Variants in IAPP observed in about 807,000 individuals in gnomAD.
The protein encoded by IAPP is islet amyloid polypeptide.
IAPP carries 4 observed loss-of-function variants against 2.9 expected under a neutral mutation model. That is an observed-to-expected ratio of 1.39 (90% CI 0.69 to 3.19). The LOEUF (loss-of-function observed/expected upper bound fraction) is 3.19, where lower values mean the gene tolerates loss of function less well. Among genes scored for constraint, IAPP ranks in the 30% most tolerant of loss-of-function variants. IAPP has a pLI of 0.01. For missense variants in IAPP, 114 were observed against 105.3 expected, an observed-to-expected ratio of 1.08 and a Z score of -0.36; for synonymous variants, 40 against 42.1, an observed-to-expected ratio of 0.95 and a Z score of 0.19.
chr12:21,355,393 A>G (rs190523302), intron 1 of IAPP, among the ~76,000 whole-genome samples: 1 of 152,212 alleles, frequency 6.6e-6, no homozygotes, highest in Non-Finnish European at 1.5e-5. Flanking sequence ...AAGGAAAAGA[A>G]ATCTCGAAGT....
At chr12:21,366,481 G>A (rs571347708) in intron 1 of IAPP, among the ~76,000 whole-genome samples, 26 of 151,922 alleles carry the variant, frequency 1.7e-4, no homozygotes, top group Non-Finnish European at 1.6e-4. Context: ...CCAACATGGC[G>A]CACGTATTCC....
chr12:21,365,852 C>T lies in IAPP; in HGVS notation c.-15-7485C>T, dbSNP rs374444080. Among the ~76,000 whole-genome samples the T allele has an allele frequency of 4.6e-5, 7 of 152,290 alleles. No individual in the cohort carries two copies. The East Asian group carries it at 7.7e-4, about 17-fold the overall frequency. ...TGCACATCAAAACCACAATGAGATA[C>T]CATCTCATGCCAGTTAGACTGGCAA... On this transcript the variant is annotated intron_variant, in intron 1 of 2. Coordinates refer to the IAPP transcript ENST00000539393.
At chr12:21,361,908 T>C (rs1938926681) in intron 1 of IAPP, among the ~76,000 whole-genome samples, 1 of 152,076 alleles carries the variant, frequency 6.6e-6, no homozygotes, top group Non-Finnish European at 1.5e-5. Flanking sequence ...AAAGACCAAA[T>C]CTACGTCTGA....
intron 1 of IAPP, among the ~76,000 whole-genome samples, chr12:21,357,610 A>G (rs996699939): frequency 1.3e-5 from 2 of 152,194 alleles, no homozygotes; most frequent in Non-Finnish European, 2.9e-5. Flanking sequence ...AGCGTCCAAT[A>G]GATGCTCTAA....
At chr12:21,359,682 G>A (rs1484244492) in intron 1 of IAPP, among the ~76,000 whole-genome samples, 1 of 151,784 alleles carries the variant, frequency 6.6e-6, no homozygotes, top group African/African-American at 2.4e-5. Flanking sequence ...AGGAGGCAGA[G>A]CTTGCAGTGA....
chr12:21,377,745 A>G (rs1335247006), intron 2 of IAPP, among the ~76,000 whole-genome samples: 1 of 152,198 alleles, frequency 6.6e-6, no homozygotes, highest in Non-Finnish European at 1.5e-5. Context: ...TTCCCTTATG[A>G]CATTTCTTGC....
At chr12:21,357,597 T>G (rs903206736) in intron 1 of IAPP, among the ~76,000 whole-genome samples, 7 of 152,234 alleles carry the variant, frequency 4.6e-5, no homozygotes, top group Non-Finnish European at 7.3e-5. Flanking sequence ...TATGTAAGGA[T>G]TTAGCGTCCA....
rs1940445435 is a variant in IAPP, at chr12:21,379,451, G to T, written c.*1025G>T. The T allele has an allele frequency of 1.3e-5, 2 of 152,122 alleles. No individual in the cohort carries two copies. The highest frequency in any genetic ancestry group is 2.9e-5 in the Non-Finnish European group (2 of 68,030). The allele number at this position is 152,122 out of a possible 1,614,324, so 9.4% of individuals were successfully genotyped here. The stretch of plus-strand genomic sequence containing the variant: ...CGAAACAACTTGTGTTCTATTAATC[G>T]TGTCTTCAATTAAAAGACCACAGAC... On this transcript the variant is annotated 3_prime_UTR_variant, in exon 3 of 3. Coordinates refer to ENST00000240652, the MANE Select transcript of IAPP (RefSeq NM_000415.3).
At chr12:21,358,082 A>G (rs1938516694) in intron 1 of IAPP, among the ~76,000 whole-genome samples, 1 of 152,096 alleles carries the variant, frequency 6.6e-6, no homozygotes, top group Non-Finnish European at 1.5e-5. Flanking sequence ...AATCTGGTAA[A>G]AGGAGATATG....
chr12:21,360,543 G>A (rs1938759337), intron 1 of IAPP, among the ~76,000 whole-genome samples: 1 of 152,198 alleles, frequency 6.6e-6, no homozygotes, highest in Non-Finnish European at 1.5e-5. Context: ...TCATCTCACT[G>A]GGGCTTGCCA....
rs745609274 is a variant in IAPP, at chr12:21,378,229, G to A, written c.81-8G>A. ...CTCTAACTTTTCACATTTGTTCCAT[G>A]TTACCAGTCATCAGGTGGAAAAGCG... On this transcript the variant is annotated splice_region_variant and splice_polypyrimidine_tract_variant and intron_variant, in intron 2 of 2. Transcript: ENST00000240652. 3.1e-6 allele frequency: 5 copies of A among 1,613,706 alleles called. No individual in the cohort carries two copies. The highest frequency in any genetic ancestry group is 1.3e-5 in the African/African-American group (1 of 74,904).
intron 2 of IAPP, chr12:21,373,649 T>C: frequency 1.4e-6 from 1 of 701,658 alleles, no homozygotes; most frequent in Non-Finnish European, 2.6e-6. Context: ...CAGACAGGAA[T>C]GGATAATTCC....
In IAPP at chr12:21,379,929, T is replaced by C. The variant is rs986713860; in HGVS notation, c.*1503T>C. ...GCAGGGAAATATATTTATAATAAAT[T>C]CTATGTCATGAATTACATATTGAAA... On this transcript the variant is annotated 3_prime_UTR_variant, in exon 3 of 3. Transcript: ENST00000240652. The C allele has an allele frequency of 6.6e-6, 1 of 152,160 alleles. No individual in the cohort carries two copies. Among genetic ancestry groups the C allele is most frequent in the Non-Finnish European group, 1.5e-5 (1 of 68,024 alleles). 9.4% of individuals were successfully genotyped at this position (152,160 alleles called of 1,614,324 possible). A position where few individuals can be genotyped will look rare whatever the true frequency, so the allele number is the denominator to read the frequency against.
Position 21,366,585 on chromosome 12 carries a change from T to C in IAPP, c.-15-6752T>C, listed in dbSNP as rs142510183. 7.8e-3 allele frequency among the ~76,000 whole-genome samples: 1,190 copies of C among 152,074 alleles called. 16 individuals are homozygous for C. The highest frequency in any genetic ancestry group is 0.024 in the African/African-American group (1,011 of 41,526). On this transcript the variant is annotated intron_variant, in intron 1 of 2. Coordinates refer to the IAPP transcript ENST00000539393. ...AAAAAGAAATATAAACATTAAAAGA[T>C]ATTTTTTAACAAAAGGGATCTGAAG...
rs187611567 is a variant in IAPP at position 21,373,750 on chromosome 12, T to C, written c.80+319T>C. On this transcript the variant is annotated intron_variant, in intron 2 of 2. Coordinates refer to ENST00000240652, the MANE Select transcript of IAPP (RefSeq NM_000415.3). ...AATCAAAAGGTAGTAATTTCTTCTA[T>C]ATTAACCTGATACTGAAACAAACCA... The C allele has an allele frequency of 5.1e-3, 3,540 of 696,168 alleles. 18 individuals carry two copies. Among genetic ancestry groups the C allele is most frequent in the Non-Finnish European group, 6.1e-3 (2,320 of 382,748 alleles). 43.1% of individuals were successfully genotyped at this position (696,168 alleles called of 1,614,324 possible).
chr12:21,363,027 G>T (rs1357335909), intron 1 of IAPP, among the ~76,000 whole-genome samples: 2 of 152,152 alleles, frequency 1.3e-5, no homozygotes, highest in Non-Finnish European at 2.9e-5. Flanking sequence ...ATTAAACTCA[G>T]CTCTGCACCA....
In IAPP at chr12:21,379,190, G is replaced by C. The variant is rs1050490180; in HGVS notation, c.*764G>C. 6.6e-6 allele frequency: 1 copy of C among 152,214 alleles called. No homozygotes were observed. Among genetic ancestry groups the C allele is most frequent in the African/African-American group, 2.4e-5 (1 of 41,450 alleles). 9.4% of individuals were successfully genotyped at this position (152,214 alleles called of 1,614,324 possible). A position where few individuals can be genotyped will look rare whatever the true frequency, so the allele number is the denominator to read the frequency against. ...TATATTTCTGAAATGACAGAATGCTGTTTTAAAAACAAAGAAATAAAATCC... is the reference window on the plus strand; with the variant it reads ...TATATTTCTGAAATGACAGAATGCTCTTTTAAAAACAAAGAAATAAAATCC... On this transcript the variant is annotated 3_prime_UTR_variant, in exon 3 of 3. Transcript: ENST00000240652.
chr12:21,366,509 C>T (rs1294808673), intron 1 of IAPP, among the ~76,000 whole-genome samples: 2 of 151,924 alleles, frequency 1.3e-5, no homozygotes, highest in East Asian at 3.9e-4. Context: ...CAAACCTGCA[C>T]ATTGTGCACA....
At chr12:21,370,674 A>C (rs1939719343), upstream of IAPP, among the ~76,000 whole-genome samples, 2 of 152,154 alleles carry the variant, frequency 1.3e-5, no homozygotes, top group African/African-American at 2.4e-5. Flanking sequence ...GAAACAAAAA[A>C]GGTTATGAAA....
Sources: gnomAD v4.1 joint callset for allele counts (sites outside exome capture counted in the v4.1 genomes callset) on GRCh38, gnomAD v4.1.1 for gene constraint, MANE v1.5 for transcripts, NCBI Gene and HGNC (gene_info 2026-07-23, HGNC 2026-07-21) for gene names.